FGF13: variants seen among roughly 807,000 people sequenced by gnomAD.
FGF13 encodes fibroblast growth factor 13, also known as fibroblast growth factor homologous factor 2.
FGF13 carries 2 observed loss-of-function variants against 19.5 expected under a neutral mutation model. That is an observed-to-expected ratio of 0.10 (90% CI 0.04 to 0.32). FGF13 has a LOEUF of 0.32. Ranked by LOEUF, FGF13 falls within the 10% of genes least tolerant of loss-of-function variation. FGF13 has a pLI of 1.00. For missense variants in FGF13, 113 were observed against 192.7 expected, an observed-to-expected ratio of 0.59 and a Z score of 2.45; for synonymous variants, 72 against 76.9, an observed-to-expected ratio of 0.94 and a Z score of 0.33.
intron 1 of FGF13, among the ~76,000 whole-genome samples, chrX:138,732,998 T>C (rs2090244580): frequency 9.0e-6 from 1 of 111,407 alleles, no homozygotes; most frequent in Non-Finnish European, 1.9e-5. Context: ...ACACTAAAGT[T>C]TGGGAACAGC....
At chrX:139,019,813 C>T (rs2092169817) in intron 1 of FGF13, among the ~76,000 whole-genome samples, 1 of 110,006 alleles carries the variant, frequency 9.1e-6, no homozygotes, top group Admixed American at 9.7e-5. Context: ...AAAAAAAGGG[C>T]TTAATAAACA....
At position 139,102,071 on chromosome X, in the gene FGF13, A is replaced by G. The variant is rs148827230; in HGVS notation, c.-113+101345T>C. ...TGACATTTATAATCCCCACCACAAT[A>G]CAGTATCTTATAGTTCTTCTAGTTG... is the stretch of plus-strand genomic sequence containing the variant. On this transcript the variant is annotated intron_variant, in intron 1 of 2. Coordinates refer to the FGF13 transcript ENST00000421460. Among the ~76,000 whole-genome samples, 460 of 112,011 alleles carry G rather than the reference A, an allele frequency of 4.1e-3. 3 individuals are homozygous for G. The highest frequency in any genetic ancestry group is 0.014 in the African/African-American group (436 of 30,848).
chrX:138,672,055 C>T (rs376641031), intron 3 of FGF13, among the ~76,000 whole-genome samples: 1 of 108,348 alleles, frequency 9.2e-6, no homozygotes, highest in Non-Finnish European at 1.9e-5. Flanking sequence ...TGTGAAGAAA[C>T]GGCAGGAAAA....
intron 1 of FGF13, among the ~76,000 whole-genome samples, chrX:139,163,569 G>A (rs909300322): frequency 4.5e-5 from 5 of 110,757 alleles, no homozygotes; most frequent in Non-Finnish European, 7.6e-5. Flanking sequence ...AGAAGAAGTT[G>A]TACACTGGAG....
intron 1 of FGF13, among the ~76,000 whole-genome samples, chrX:139,086,351 C>T (rs2083403387): frequency 9.0e-6 from 1 of 111,523 alleles, no homozygotes; most frequent in African/African-American, 3.3e-5. Flanking sequence ...AAAATTATGC[C>T]ATTCAGGAAG....
Position 138,798,742 on chromosome X carries a change from A to T in FGF13, c.217+58770T>A, listed in dbSNP as rs192549826. Among the ~76,000 whole-genome samples, 11 of 111,581 alleles carry T rather than the reference A, an allele frequency of 9.9e-5. No individual in the cohort carries two copies. In the East Asian group the frequency reaches 3.1e-3, roughly 31 times the overall value. ...CTAATAATTACTTCCTCAATTTCAG[A>T]ACTTGTTATTGGTCTATTCAGGGAT... On this transcript the variant is annotated intron_variant, in intron 3 of 6. Transcript: ENST00000436198.
At chrX:138,957,531 T>C (rs1443177666) in intron 1 of FGF13, among the ~76,000 whole-genome samples, 1 of 111,571 alleles carries the variant, frequency 9.0e-6, no homozygotes, top group Non-Finnish European at 1.9e-5. Flanking sequence ...ATACGAACTT[T>C]AGTTTTTTCC....
chrX:138,971,394 C>T (rs993931898), intron 1 of FGF13, among the ~76,000 whole-genome samples: 3 of 111,742 alleles, frequency 2.7e-5, no homozygotes, highest in South Asian at 3.7e-4. Context: ...TTGTTTTTAA[C>T]GGACAAATAA....
chrX:138,993,243 G>A lies in FGF13; in HGVS notation c.-112-128593C>T, dbSNP rs143128336. On this transcript the variant is annotated intron_variant, in intron 1 of 2. Transcript: ENST00000421460. ...CCTTGACCAGGAAAGGAACATTAGT[G>A]GAATAACTGGTGAAATCTAAATAAA... 2.5e-3 allele frequency among the ~76,000 whole-genome samples: 255 copies of A among 102,196 alleles called. 2 individuals carry two copies. The highest frequency in any genetic ancestry group is 8.3e-3 in the African/African-American group (237 of 28,401). The allele number at this position is 102,196 out of a possible 115,157, so 88.7% of individuals were successfully genotyped here.
intron 3 of FGF13, among the ~76,000 whole-genome samples, chrX:138,791,149 A>G (rs536372893): frequency 2.7e-5 from 3 of 112,690 alleles, no homozygotes; most frequent in African/African-American, 9.7e-5. Flanking sequence ...TAGCATTTAC[A>G]TTGTATAAGG....
chrX:138,915,989 C>A (rs976844396), intron 1 of FGF13, among the ~76,000 whole-genome samples: 1 of 111,732 alleles, frequency 8.9e-6, no homozygotes, highest in Non-Finnish European at 1.9e-5. Context: ...ATAAATACAT[C>A]TTTGTTTTGG....
intron 1 of FGF13, among the ~76,000 whole-genome samples, chrX:138,941,377 A>C (rs753315238): frequency 1.8e-5 from 2 of 112,037 alleles, no homozygotes; most frequent in South Asian, 3.8e-4. Context: ...AGGATGCAAA[A>C]TCAATGCACA....
chrX:138,830,108 C>T (rs761388406), intron 3 of FGF13, among the ~76,000 whole-genome samples: 2 of 112,190 alleles, frequency 1.8e-5, no homozygotes, highest in Non-Finnish European at 3.8e-5. Context: ...GTAATAAAGA[C>T]GGGAATGTTG....
intron 1 of FGF13, among the ~76,000 whole-genome samples, chrX:138,976,140 G>A (rs968887170): frequency 1.8e-5 from 2 of 111,462 alleles, no homozygotes; most frequent in African/African-American, 6.5e-5. Context: ...CTGGCCCCTT[G>A]TGACCACCGG....
At chrX:138,784,227 A>C (rs2090674340) in intron 3 of FGF13, among the ~76,000 whole-genome samples, 1 of 99,915 alleles carries the variant, frequency 1.0e-5, no homozygotes, top group African/African-American at 3.6e-5. Context: ...ATGACGAGTT[A>C]GTGGGTGCAG....
At chrX:139,073,752 T>C (rs530154624) in intron 1 of FGF13, among the ~76,000 whole-genome samples, 2 of 112,042 alleles carry the variant, frequency 1.8e-5, no homozygotes, top group African/African-American at 6.5e-5. Flanking sequence ...ATTTCAGTGT[T>C]TTTCTCCTCT....
chrX:139,046,775 A>G (rs1383788801), intron 1 of FGF13, among the ~76,000 whole-genome samples: 1 of 111,476 alleles, frequency 9.0e-6, no homozygotes, highest in Non-Finnish European at 1.9e-5. Context: ...CACCCTCTCC[A>G]TCATCAAAAT....
At chrX:138,694,674 C>T (rs1276481668) in intron 3 of FGF13, among the ~76,000 whole-genome samples, 2 of 107,554 alleles carry the variant, frequency 1.9e-5, no homozygotes, top group Non-Finnish European at 3.8e-5. Flanking sequence ...GACAAGGTTT[C>T]ACCGTGTTAG....
At chrX:139,075,354 T>C (rs1243623938) in intron 1 of FGF13, among the ~76,000 whole-genome samples, 1 of 112,070 alleles carries the variant, frequency 8.9e-6, no homozygotes, top group Non-Finnish European at 1.9e-5. Flanking sequence ...CTCAGTTTCA[T>C]CTAAACACAC....
Sources: allele counts gnomAD v4.1 joint callset (sites outside exome capture counted in the v4.1 genomes callset), GRCh38; gene constraint gnomAD v4.1.1; transcripts MANE v1.5; gene names NCBI Gene and HGNC (gene_info 2026-07-23, HGNC 2026-07-21).